CHST9: variants seen among roughly 807,000 people sequenced by gnomAD.
CHST9 encodes GalNAc-4-sulfotransferase 2.
Under a neutral mutation model 44.4 loss-of-function variants are expected in CHST9, and 41 were observed. That is an observed-to-expected ratio of 0.92 (90% CI 0.72 to 1.20). The LOEUF is 1.20. Among genes scored for constraint, CHST9 ranks in the 50% most tolerant of loss-of-function variants. The probability of loss-of-function intolerance (pLI) is 0.00; values close to 1 mark genes in which losing one functional copy is unlikely to be tolerated. For missense variants in CHST9, 504 were observed against 516.5 expected (o/e 0.98, Z 0.23); for synonymous variants, 171 against 178.4 (o/e 0.96, Z 0.33).
intron 1 of CHST9, among the ~76,000 whole-genome samples, chr18:27,176,590 T>C (rs988365460): frequency 1.3e-5 from 2 of 152,054 alleles, no homozygotes; most frequent in African/African-American, 4.8e-5. Flanking sequence ...GATGTTTCTT[T>C]AAGATAGACA....
At position 26,977,917 on chromosome 18, in the gene CHST9, TA is replaced by T. The variant is rs541239090; in HGVS notation, c.203-33552del. 7.3e-3 allele frequency among the ~76,000 whole-genome samples: 1,086 copies of T among 147,948 alleles called. 6 individuals carry two copies. Among genetic ancestry groups the T allele is most frequent in the South Asian group, 0.017 (82 of 4,690 alleles). On this transcript the variant is annotated intron_variant, in intron 4 of 5. Transcript: ENST00000618847. ...TGATGCGTGCACCACCTTAATAACTTAAAAAAAAAAATTCACAGGCTCAGCA... is the reference window on the plus strand; with the variant it reads ...TGATGCGTGCACCACCTTAATAACTTAAAAAAAAAATTCACAGGCTCAGCA...
chr18:26,952,157 A>C, intron 4 of CHST9: 7 of 510,598 alleles, frequency 1.4e-5, no homozygotes, highest in South Asian at 1.0e-4. Flanking sequence ...AAGCTTCCAC[A>C]TCATAGCAGG....
intron 3 of CHST9, among the ~76,000 whole-genome samples, chr18:27,043,137 G>A (rs867472834): frequency 1.1e-4 from 16 of 151,864 alleles, no homozygotes; most frequent in African/African-American, 3.9e-4. Flanking sequence ...CTAGGGTCTC[G>A]GTCTCTGAGT....
rs370314685 is a variant in CHST9, at chr18:27,005,314, AT to A, written c.202+18801del. ...TCTGCATATATTTAGGACTTAATAA[AT>A]GATAGTTATTAAAATGCTCAGCCCA... On this transcript the variant is annotated intron_variant, in intron 4 of 5. Coordinates refer to ENST00000618847, the MANE Select transcript of CHST9 (RefSeq NM_031422.6). Among the ~76,000 whole-genome samples, 22 of 152,326 alleles carry A rather than the reference AT, an allele frequency of 1.4e-4. 1 individual carries two copies. The East Asian group carries it at 4.1e-3, about 28-fold the overall frequency.
At chr18:27,001,302 A>G (rs1412422703) in intron 4 of CHST9, among the ~76,000 whole-genome samples, 3 of 152,198 alleles carry the variant, frequency 2.0e-5, no homozygotes, top group Non-Finnish European at 4.4e-5. Context: ...AGGAAGAGAA[A>G]TAATTCTATT....
chr18:26,973,247 G>C (rs2056575489), intron 4 of CHST9, among the ~76,000 whole-genome samples: 1 of 152,148 alleles, frequency 6.6e-6, no homozygotes, highest in Admixed American at 6.5e-5. Context: ...TAGAACGTAA[G>C]CTCCATAATC....
intron 2 of CHST9, among the ~76,000 whole-genome samples, chr18:27,066,079 C>A (rs905146541): frequency 5.3e-5 from 8 of 152,206 alleles, no homozygotes; most frequent in Admixed American, 4.6e-4. Context: ...GAAAAACAGT[C>A]CATTTATTTG....
chr18:27,046,601 T>A (rs1322128982), intron 3 of CHST9, among the ~76,000 whole-genome samples: 1 of 152,014 alleles, frequency 6.6e-6, no homozygotes, highest in Admixed American at 6.6e-5. Flanking sequence ...GTTTTTGGTA[T>A]CTTAGCCACA....
intron 2 of CHST9, 110 bp from the exon 3 acceptor site, chr18:27,048,613 C>T: frequency 1.2e-6 from 1 of 839,886 alleles, no homozygotes. Context: ...CTACTTCAGC[C>T]ATGTCCAGTG....
rs1412442566 is a variant in CHST9 at position 26,910,018 on chromosome 18, GT to G, written c.*6240del. 4 of 152,114 alleles carry G rather than the reference GT, an allele frequency of 2.6e-5. No individual in the cohort carries two copies. Among genetic ancestry groups the G allele is most frequent in the African/African-American group, 9.7e-5 (4 of 41,402 alleles). 9.4% of individuals were successfully genotyped at this position (152,114 alleles called of 1,614,324 possible). On this transcript the variant is annotated 3_prime_UTR_variant, in exon 6 of 6. Coordinates refer to ENST00000618847, the MANE Select transcript of CHST9 (RefSeq NM_031422.6). ...AAACAGAAGAGATTTTTGGATGAAG[GT>G]TATAGAACAGCAGTCTAGAGGCAGC... is the stretch of plus-strand genomic sequence containing the variant.
At chr18:27,183,254 CAGTTACTGAACTTG>C (rs2058928108) in intron 1 of CHST9, among the ~76,000 whole-genome samples, 1 of 152,142 alleles carries the variant, frequency 6.6e-6, no homozygotes, top group Non-Finnish European at 1.5e-5. Context: ...CCAAACACAA[CAGTTACTGAACTTG>C]AGTCAACATT....
intron 5 of CHST9, 122 bp from the exon 6 acceptor site, chr18:26,917,472 C>T: frequency 8.5e-7 from 1 of 1,178,096 alleles, no homozygotes; most frequent in Non-Finnish European, 1.2e-6. Context: ...TATAAGCTGC[C>T]AGAACAATTT....
intron 1 of CHST9, among the ~76,000 whole-genome samples, chr18:27,172,337 G>C (rs1004189797): frequency 1.3e-5 from 2 of 151,986 alleles, no homozygotes; most frequent in South Asian, 2.1e-4. Flanking sequence ...AGTTTAATAA[G>C]ATAACTAAAT....
At chr18:27,096,670 T>C (rs941917487) in intron 2 of CHST9, among the ~76,000 whole-genome samples, 1 of 151,914 alleles carries the variant, frequency 6.6e-6, no homozygotes, top group African/African-American at 2.4e-5. Context: ...GCACACAAAC[T>C]AGAAAGCCTA....
intron 1 of CHST9, among the ~76,000 whole-genome samples, chr18:27,182,279 T>G (rs1390447608): frequency 6.6e-6 from 1 of 152,064 alleles, no homozygotes; most frequent in Non-Finnish European, 1.5e-5. Flanking sequence ...TAAAGGCAAC[T>G]TTACTTTCAA....
At chr18:27,147,101 G>A (rs2143884064) in intron 1 of CHST9, among the ~76,000 whole-genome samples, 1 of 151,958 alleles carries the variant, frequency 6.6e-6, no homozygotes, top group South Asian at 2.1e-4. Context: ...TTTCACTCTT[G>A]TTGCCCAGGC....
intron 4 of CHST9, among the ~76,000 whole-genome samples, chr18:26,990,139 A>C (rs1598619752): frequency 6.6e-6 from 1 of 152,332 alleles, no homozygotes; most frequent in East Asian, 1.9e-4. Context: ...TAAAGAAGCC[A>C]GGTGGAAATG....
chr18:27,148,227 G>T (rs550394314), intron 1 of CHST9, among the ~76,000 whole-genome samples: 1 of 151,734 alleles, frequency 6.6e-6, no homozygotes, highest in Non-Finnish European at 1.5e-5. Context: ...AGTATTCCAT[G>T]GTATAGACGT....
chr18:26,970,553 C>T (rs979496917), intron 4 of CHST9, among the ~76,000 whole-genome samples: 1 of 152,170 alleles, frequency 6.6e-6, no homozygotes, highest in Non-Finnish European at 1.5e-5. Context: ...CTCAGCCTCC[C>T]AAGTAGCTGG....
Sources: allele counts gnomAD v4.1 joint callset (sites outside exome capture counted in the v4.1 genomes callset), GRCh38; gene constraint gnomAD v4.1.1; transcripts MANE v1.5; gene names NCBI Gene and HGNC (gene_info 2026-07-23, HGNC 2026-07-21).